The following CTNNA2 variants were observed in gnomAD, a reference collection of about 807,000 sequenced individuals.
CTNNA2 encodes the protein catenin alpha-2.
CTNNA2 carries 42 observed loss-of-function variants against 101.0 expected under a neutral mutation model. The observed-to-expected ratio is 0.42, with a 90% CI of 0.32 to 0.54. The LOEUF (loss-of-function observed/expected upper bound fraction) is 0.54. Ranked by LOEUF, CTNNA2 falls within the 20% of genes least tolerant of loss-of-function variation. The pLI is 0.14. For synonymous variants in CTNNA2, 450 were observed against 456.4 expected (o/e 0.99, Z 0.18); for missense variants, 871 against 1,223.1 (o/e 0.71, Z 4.29).
chr2:79,629,466 CT>C (rs1679542463), intron 1 of CTNNA2, among the ~76,000 whole-genome samples: 1 of 152,070 alleles, frequency 6.6e-6, no homozygotes, highest in Non-Finnish European at 1.5e-5. Context: ...GCAGTTAAAC[CT>C]TTGCCATCGT....
chr2:79,413,654 G>T (rs1270097681), intron 4 of CTNNA2, among the ~76,000 whole-genome samples: 1 of 151,916 alleles, frequency 6.6e-6, no homozygotes, highest in Non-Finnish European at 1.5e-5. Flanking sequence ...TTAACATAAT[G>T]ATTATAGTAA....
intron 9 of CTNNA2, among the ~76,000 whole-genome samples, chr2:80,465,503 T>C (rs1234665685): frequency 6.6e-6 from 1 of 152,122 alleles, no homozygotes; most frequent in Non-Finnish European, 1.5e-5. Flanking sequence ...AGGTATTTCT[T>C]TGAGTATCTT....
chr2:80,365,645 G>A (rs1476639442), intron 7 of CTNNA2, among the ~76,000 whole-genome samples: 1 of 150,788 alleles, frequency 6.6e-6, no homozygotes, highest in Non-Finnish European at 1.5e-5. Flanking sequence ...ATTTTGGCCT[G>A]TAGACACTTT....
intron 3 of CTNNA2, among the ~76,000 whole-genome samples, chr2:79,349,808 T>C (rs568766250): frequency 1.4e-4 from 21 of 152,144 alleles, no homozygotes; most frequent in Non-Finnish European, 2.2e-4. Flanking sequence ...AGGAAGCCCA[T>C]TGAGGTGTGG....
chr2:80,541,039 A>G (rs1379551990), intron 9 of CTNNA2, among the ~76,000 whole-genome samples: 1 of 152,172 alleles, frequency 6.6e-6, no homozygotes, highest in Non-Finnish European at 1.5e-5. Context: ...GCTAAGGATC[A>G]TTTGCTGATG....
intron 7 of CTNNA2, among the ~76,000 whole-genome samples, chr2:80,372,017 C>G (rs1051497039): frequency 6.6e-6 from 1 of 152,044 alleles, no homozygotes; most frequent in Non-Finnish European, 1.5e-5. Context: ...TAAAACTTGT[C>G]GTCCGAATTG....
At chr2:80,425,932 T>TTTG (rs368913766) in intron 9 of CTNNA2, among the ~76,000 whole-genome samples, 160 of 152,130 alleles carry the variant, frequency 1.1e-3, no homozygotes, top group South Asian at 7.9e-3. Flanking sequence ...TTGAGAAGCT[T>TTTG]TTGTTGTTGT....
At chr2:79,210,707 G>A (rs1674160374) in intron 2 of CTNNA2, among the ~76,000 whole-genome samples, 2 of 152,110 alleles carry the variant, frequency 1.3e-5, no homozygotes, top group South Asian at 4.1e-4. Flanking sequence ...CAGGAGCCCT[G>A]CACCAAGTTA....
At chr2:80,406,044 G>A (rs1340690984) in intron 8 of CTNNA2, among the ~76,000 whole-genome samples, 3 of 152,182 alleles carry the variant, frequency 2.0e-5, no homozygotes, top group East Asian at 1.9e-4. Flanking sequence ...CTATCTAAAG[G>A]GAGTGACTGT....
At chr2:79,340,813 T>G (rs13001116) in intron 3 of CTNNA2, among the ~76,000 whole-genome samples, 116,333 of 133,178 alleles carry the variant, frequency 0.87, 50,807 homozygotes, top group East Asian at 1. Flanking sequence ...CAGCCTGGGC[T>G]ACAGAGCGAG....
chr2:80,151,523 C>T (rs571665520), intron 7 of CTNNA2, among the ~76,000 whole-genome samples: 1 of 152,284 alleles, frequency 6.6e-6, no homozygotes, highest in South Asian at 2.1e-4. Flanking sequence ...TAATGGCACC[C>T]CACACATTTC....
intron 7 of CTNNA2, among the ~76,000 whole-genome samples, chr2:79,985,405 G>C (rs940737691): frequency 1.3e-5 from 2 of 151,880 alleles, no homozygotes; most frequent in Admixed American, 1.3e-4. Context: ...CAGTCATTAG[G>C]TGCCTTTTCC....
chr2:80,608,668 T>C (rs1698222071), intron 17 of CTNNA2, among the ~76,000 whole-genome samples: 1 of 151,798 alleles, frequency 6.6e-6, no homozygotes, highest in Admixed American at 6.6e-5. Flanking sequence ...TCCTAGTAAT[T>C]TTCATTCTCT....
intron 2 of CTNNA2, among the ~76,000 whole-genome samples, chr2:79,260,780 G>A (rs1391442120): frequency 6.6e-6 from 1 of 152,076 alleles, no homozygotes; most frequent in Non-Finnish European, 1.5e-5. Flanking sequence ...CCCAATCACA[G>A]GCTGACCTCC....
At chr2:79,186,688 G>T (rs1041221671) in intron 1 of CTNNA2, among the ~76,000 whole-genome samples, 11 of 152,138 alleles carry the variant, frequency 7.2e-5, no homozygotes, top group Non-Finnish European at 1.5e-4. Context: ...TTTTCAGGGA[G>T]TTTCTTTTTA....
At chr2:79,652,238 ATT>A (rs201106493) in intron 2 of CTNNA2, among the ~76,000 whole-genome samples, 24,443 of 144,110 alleles carry the variant, frequency 0.17, 2,656 homozygotes, top group East Asian at 0.36. Context: ...CTGGGATGTG[ATT>A]TTTTTTTTTT....
Position 79,626,611 on chromosome 2 carries a change from GTGTGTGTA to G in CTNNA2, c.-5-24933_-5-24926del, listed in dbSNP as rs1307224516. 3.0e-4 allele frequency among the ~76,000 whole-genome samples: 35 copies of G among 117,814 alleles called. 1 individual carries two copies. Among genetic ancestry groups the G allele is most frequent in the African/African-American group, 1.2e-3 (32 of 26,688 alleles). The allele number at this position is 117,814 out of a possible 152,430, so 77.3% of individuals were successfully genotyped here. ...TGTGCATGTATGTGTATGTGCGTGT[GTGTGTGTA>G]TGTGTGTGTGTGTGTGTGTGTGTGT... On this transcript the variant is annotated intron_variant, in intron 1 of 18. Transcript: ENST00000402739.
chr2:79,882,231 C>A (rs1377773697), intron 6 of CTNNA2, among the ~76,000 whole-genome samples: 1 of 152,006 alleles, frequency 6.6e-6, no homozygotes, highest in East Asian at 1.9e-4. Context: ...CTCTGGCTGC[C>A]CTTAACATTT....
At position 79,591,777 on chromosome 2, in the gene CTNNA2, A is replaced by C. The variant is rs184641322; in HGVS notation, c.-5-59775A>C. On this transcript the variant is annotated intron_variant, in intron 1 of 18. Coordinates refer to ENST00000402739, the MANE Select transcript of CTNNA2 (RefSeq NM_001282597.3). ...ATGGGGGTGTTGCTTTCTGAAATCT[A>C]ATCTGTGTCTTACGTATGAGGAGAA... Among the ~76,000 whole-genome samples the C allele has an allele frequency of 4.6e-3, 700 of 152,202 alleles. 4 individuals carry two copies. Among genetic ancestry groups the C allele is most frequent in the Non-Finnish European group, 7.6e-3 (517 of 68,018 alleles).
Sources: gnomAD v4.1 joint callset for allele counts (sites outside exome capture counted in the v4.1 genomes callset) on GRCh38, gnomAD v4.1.1 for gene constraint, MANE v1.5 for transcripts, NCBI Gene and HGNC (gene_info 2026-07-23, HGNC 2026-07-21) for gene names.